CDH13: variants seen among roughly 807,000 people sequenced by gnomAD.
CDH13 encodes the protein cadherin-13.
CDH13 carries 24 observed loss-of-function variants against 63.8 expected under a neutral mutation model. The ratio of observed to expected loss-of-function variants is 0.38; its 90% CI spans 0.27 to 0.53. The LOEUF is 0.53. Among genes scored for constraint, CDH13 ranks in the 20% least tolerant of loss-of-function variants. The pLI is 0.85. For synonymous variants in CDH13, 503 were observed against 355.3 expected (o/e 1.42, Z -4.67); for missense variants, 1,049 against 903.1 (o/e 1.16, Z -2.07).
chr16:82,694,077 T>TA (rs910253486), intron 1 of CDH13, among the ~76,000 whole-genome samples: 1 of 152,218 alleles, frequency 6.6e-6, no homozygotes, highest in African/African-American at 2.4e-5. Flanking sequence ...ACTATGATCA[T>TA]AAAAAATTCA....
At chr16:83,569,856 C>T (rs746326098) in intron 7 of CDH13, among the ~76,000 whole-genome samples, 23 of 152,144 alleles carry the variant, frequency 1.5e-4, no homozygotes, top group Non-Finnish European at 2.1e-4. Flanking sequence ...CCTGCCTCAG[C>T]CTTCCGAGTA....
At chr16:83,685,356 C>G (rs934100038) in intron 10 of CDH13, among the ~76,000 whole-genome samples, 2 of 152,092 alleles carry the variant, frequency 1.3e-5, no homozygotes, top group Admixed American at 6.5e-5. Context: ...TAATAAATAA[C>G]TACAGGGTAC....
intron 6 of CDH13, among the ~76,000 whole-genome samples, chr16:83,443,415 G>A (rs1207796904): frequency 3.9e-5 from 6 of 152,130 alleles, no homozygotes; most frequent in Middle Eastern, 3.2e-3. Flanking sequence ...TGAATGTTAC[G>A]AAAAGGTTTG....
intron 3 of CDH13, among the ~76,000 whole-genome samples, chr16:83,120,754 A>G (rs975882357): frequency 2.8e-5 from 3 of 106,160 alleles, no homozygotes; most frequent in Non-Finnish European, 5.2e-5. Context: ...ACGCGCTCTA[A>G]TTTTCTTTCT....
intron 5 of CDH13, among the ~76,000 whole-genome samples, chr16:83,255,117 A>T (rs1212006811): frequency 6.6e-6 from 1 of 152,106 alleles, no homozygotes; most frequent in African/African-American, 2.4e-5. Flanking sequence ...AACCTCTGCT[A>T]TTATTTTTAA....
At chr16:82,818,118 G>A (rs981605048) in intron 1 of CDH13, among the ~76,000 whole-genome samples, 1 of 150,882 alleles carries the variant, frequency 6.6e-6, no homozygotes, top group Non-Finnish European at 1.5e-5. Flanking sequence ...GTATGGTTGT[G>A]TGTGTGTGTG....
intron 1 of CDH13, among the ~76,000 whole-genome samples, chr16:82,660,654 CT>C (rs1202235999): frequency 6.6e-6 from 1 of 152,152 alleles, no homozygotes; most frequent in Non-Finnish European, 1.5e-5. Context: ...CACTGTATAC[CT>C]GGGACCAAAG....
chr16:83,162,560 G>C (rs1438344374), intron 4 of CDH13, among the ~76,000 whole-genome samples: 2 of 150,726 alleles, frequency 1.3e-5, no homozygotes, highest in Non-Finnish European at 3.0e-5. Flanking sequence ...GCAAGGTGTT[G>C]AAAGAGCACC....
intron 6 of CDH13, among the ~76,000 whole-genome samples, chr16:83,430,008 T>C (rs765273403): frequency 6.6e-6 from 1 of 152,204 alleles, no homozygotes; most frequent in East Asian, 1.9e-4. Flanking sequence ...TAAATTGGAC[T>C]GTTTTAGGTA....
intron 1 of CDH13, among the ~76,000 whole-genome samples, chr16:82,658,017 C>T (rs1911497342): frequency 1.3e-5 from 2 of 152,188 alleles, no homozygotes; most frequent in African/African-American, 4.8e-5. Flanking sequence ...AAGCTAGTTT[C>T]CTACCATGAA....
chr16:82,841,278 C>G (rs1320152317), intron 1 of CDH13, among the ~76,000 whole-genome samples: 1 of 152,186 alleles, frequency 6.6e-6, no homozygotes, highest in Non-Finnish European at 1.5e-5. Context: ...ACGTGCCAGC[C>G]ATGATTTTTT....
chr16:83,043,991 T>C (rs1917560384), intron 3 of CDH13, among the ~76,000 whole-genome samples: 1 of 152,230 alleles, frequency 6.6e-6, no homozygotes, highest in Non-Finnish European at 1.5e-5. Context: ...AAGCAGTGAA[T>C]AGCTAAGGAT....
rs1027046383 is a variant in CDH13, at chr16:82,757,962, A to G, written c.46-100400A>G. 2.6e-4 allele frequency among the ~76,000 whole-genome samples: 40 copies of G among 152,132 alleles called. 1 individual carries two copies. The highest frequency in any genetic ancestry group is 8.7e-4 in the African/African-American group (36 of 41,436). Reference sequence around the variant, plus strand: ...CCGCACCTGGCCGCCACAGCTTCTTAAAATGTCACTATCAATCCATTCTGA... The same window carrying G: ...CCGCACCTGGCCGCCACAGCTTCTTGAAATGTCACTATCAATCCATTCTGA... On this transcript the variant is annotated intron_variant, in intron 1 of 13. Transcript: ENST00000567109.
At chr16:82,658,251 G>A (rs1911527162) in intron 1 of CDH13, among the ~76,000 whole-genome samples, 2 of 152,240 alleles carry the variant, frequency 1.3e-5, no homozygotes, top group Admixed American at 6.5e-5. Context: ...AGGCCACCAG[G>A]AATGTGGGGC....
At chr16:83,172,781 A>T (rs1401943619) in intron 4 of CDH13, among the ~76,000 whole-genome samples, 2 of 152,080 alleles carry the variant, frequency 1.3e-5, no homozygotes, top group Non-Finnish European at 2.9e-5. Context: ...AAAACAAAAA[A>T]CAAACAATAA....
intron 6 of CDH13, among the ~76,000 whole-genome samples, chr16:83,407,394 A>G (rs1399480320): frequency 6.6e-6 from 1 of 152,230 alleles, no homozygotes; most frequent in African/African-American, 2.4e-5. Context: ...CACCATCCTC[A>G]TATAAACATT....
At chr16:83,363,443 T>C (rs1411406003) in intron 6 of CDH13, among the ~76,000 whole-genome samples, 1 of 152,246 alleles carries the variant, frequency 6.6e-6, no homozygotes, top group Non-Finnish European at 1.5e-5. Flanking sequence ...GGGGTTAGCC[T>C]GTGAGTGGTC....
At chr16:83,400,808 C>G (rs551771035) in intron 6 of CDH13, among the ~76,000 whole-genome samples, 1 of 152,274 alleles carries the variant, frequency 6.6e-6, no homozygotes, top group African/African-American at 2.4e-5. Flanking sequence ...TTTAGAATGG[C>G]ACGTACCTGG....
At chr16:82,770,347 T>A (rs1409474163) in intron 1 of CDH13, among the ~76,000 whole-genome samples, 1 of 152,218 alleles carries the variant, frequency 6.6e-6, no homozygotes, top group African/African-American at 2.4e-5. Context: ...TAGAGAAAAT[T>A]TGGAACGTAA....
Sources: gnomAD v4.1 joint callset for allele counts (sites outside exome capture counted in the v4.1 genomes callset) on GRCh38, gnomAD v4.1.1 for gene constraint, MANE v1.5 for transcripts, NCBI Gene and HGNC (gene_info 2026-07-23, HGNC 2026-07-21) for gene names.